Variants in SGCD observed in about 807,000 individuals in gnomAD.
The protein encoded by SGCD is sarcoglycan delta, also known as delta-sarcoglycan.
A neutral mutation model predicts 36.6 loss-of-function variants in SGCD; 18 were observed. The ratio of observed to expected loss-of-function variants is 0.49; its 90% CI spans 0.34 to 0.73. The LOEUF is 0.73. Ranked by LOEUF, SGCD falls within the 30% of genes least tolerant of loss-of-function variation. The pLI, the probability that SGCD is intolerant of heterozygous loss-of-function variation, is 0.01. For missense variants in SGCD, 387 were observed against 346.7 expected, an observed-to-expected ratio of 1.12 and a Z score of -0.92; for synonymous variants, 133 against 130.6, an observed-to-expected ratio of 1.02 and a Z score of -0.12.
chr5:155,996,837 A>T (rs1758556124), intron 1 of SGCD, among the ~76,000 whole-genome samples: 2 of 151,440 alleles, frequency 1.3e-5, no homozygotes, highest in Admixed American at 6.6e-5. Context: ...AGGCTGCCAA[A>T]TGGTAAATCT....
At chr5:156,357,141 G>A (rs554964183) in intron 3 of SGCD, among the ~76,000 whole-genome samples, 2 of 152,184 alleles carry the variant, frequency 1.3e-5, no homozygotes, top group Non-Finnish European at 1.5e-5. Flanking sequence ...CACCATCAAT[G>A]CTATTAAGCG....
At chr5:155,928,067 T>C (rs574681853) in intron 1 of SGCD, among the ~76,000 whole-genome samples, 1 of 152,310 alleles carries the variant, frequency 6.6e-6, no homozygotes, top group South Asian at 2.1e-4. Context: ...AAAATAGGCA[T>C]TAGAAGATAA....
intron 3 of SGCD, among the ~76,000 whole-genome samples, chr5:156,503,323 G>T (rs1756537147): frequency 6.6e-6 from 1 of 152,170 alleles, no homozygotes; most frequent in African/African-American, 2.4e-5. Context: ...AATAGCAGAA[G>T]ATTCCTTCTG....
At chr5:156,328,082 T>C (rs1457024951) in intron 1 of SGCD, among the ~76,000 whole-genome samples, 1 of 152,230 alleles carries the variant, frequency 6.6e-6, no homozygotes, top group Non-Finnish European at 1.5e-5. Context: ...GAGCTTTTTA[T>C]AAAAATCAAA....
At chr5:155,809,928 A>C in the SGCD span, among the ~76,000 whole-genome samples, 1 of 152,198 alleles carries the variant, frequency 6.6e-6, no homozygotes, top group Non-Finnish European at 1.5e-5. Flanking sequence ...CAGTGGCCTC[A>C]GTTGTCTCTT....
intron 7 of SGCD, among the ~76,000 whole-genome samples, chr5:156,653,843 A>G (rs1763570182): frequency 6.6e-6 from 1 of 152,078 alleles, no homozygotes; most frequent in Non-Finnish European, 1.5e-5. Flanking sequence ...TCACACTGCT[A>G]TGTCTTCTAG....
chr5:156,069,739 A>T lies in SGCD; in HGVS notation c.-281-48139A>T, dbSNP rs548044022. On this transcript the variant is annotated intron_variant, in intron 1 of 9. Coordinates refer to the SGCD transcript ENST00000517913. ...CAGTATGGCCATTTTCACGATATTG[A>T]TTCTTCCTACCCATAAGCATGGAAT... 2.7e-5 allele frequency among the ~76,000 whole-genome samples: 4 copies of T among 146,758 alleles called. No homozygotes were observed. In the South Asian group the frequency reaches 8.4e-4, roughly 31 times the overall value.
At chr5:156,030,952 A>G (rs10476249) in intron 1 of SGCD, among the ~76,000 whole-genome samples, 26 of 152,346 alleles carry the variant, frequency 1.7e-4, no homozygotes, top group African/African-American at 5.3e-4. Flanking sequence ...GTAGTGGAAA[A>G]TGAGCCTGAA....
Position 156,558,111 on chromosome 5 carries a change from ATATATATATATATT to A in SGCD, c.295-31119_295-31106del, listed in dbSNP as rs1481911636. On this transcript the variant is annotated intron_variant, in intron 4 of 8. Transcript: ENST00000337851. ...CAAATATATATATATATATATATAT[ATATATATATATATT>A]ATTTAACTCTCTTTTAAAGGCAGTT... 1.5e-3 allele frequency among the ~76,000 whole-genome samples: 203 copies of A among 136,324 alleles called. 6 individuals are homozygous for A. The highest frequency in any genetic ancestry group is 2.5e-3 in the Non-Finnish European group (161 of 63,402). 89.4% of individuals were successfully genotyped at this position (136,324 alleles called of 152,430 possible). A position where few individuals can be genotyped will look rare whatever the true frequency, so the allele number is the denominator to read the frequency against.
At chr5:156,488,994 G>C (rs892170318) in intron 3 of SGCD, among the ~76,000 whole-genome samples, 1 of 151,958 alleles carries the variant, frequency 6.6e-6, no homozygotes, top group Admixed American at 6.6e-5. Context: ...ACTTCACCTG[G>C]ATAGACACAT....
intron 3 of SGCD, among the ~76,000 whole-genome samples, chr5:156,303,597 G>A (rs757110855): frequency 2.3e-4 from 35 of 151,568 alleles, no homozygotes; most frequent in Non-Finnish European, 5.0e-4. Context: ...CCTGAAGCCA[G>A]CATAGCCCTA....
chr5:156,263,124 A>G (rs1302961489), intron 3 of SGCD, among the ~76,000 whole-genome samples: 4 of 151,948 alleles, frequency 2.6e-5, no homozygotes, highest in Non-Finnish European at 5.9e-5. Flanking sequence ...GTAGATACCC[A>G]GTTGTAGGAT....
intron 3 of SGCD, among the ~76,000 whole-genome samples, chr5:156,280,921 G>A (rs1489347618): frequency 6.6e-6 from 1 of 152,148 alleles, no homozygotes; most frequent in South Asian, 2.1e-4. Context: ...CAAACCCATA[G>A]AGCAAGGTTG....
At chr5:156,079,070 T>C (rs1325393350) in intron 1 of SGCD, among the ~76,000 whole-genome samples, 1 of 147,738 alleles carries the variant, frequency 6.8e-6, no homozygotes, top group Non-Finnish European at 1.5e-5. Flanking sequence ...TTCTGCAGGC[T>C]ATATAGGTAG....
At chr5:155,998,775 A>T (rs1758605958) in intron 1 of SGCD, among the ~76,000 whole-genome samples, 1 of 152,206 alleles carries the variant, frequency 6.6e-6, no homozygotes, top group Non-Finnish European at 1.5e-5. Flanking sequence ...TAGTGGAAAC[A>T]CCTGCTCACA....
intron 3 of SGCD, among the ~76,000 whole-genome samples, chr5:156,425,383 A>G (rs949174558): frequency 6.6e-6 from 1 of 152,070 alleles, no homozygotes; most frequent in Non-Finnish European, 1.5e-5. Context: ...ATTAGCAATT[A>G]AACACACAAA....
intron 1 of SGCD, among the ~76,000 whole-genome samples, chr5:155,992,142 CT>C (rs1470402034): frequency 6.6e-6 from 1 of 152,186 alleles, no homozygotes; most frequent in Admixed American, 6.5e-5. Flanking sequence ...TTGGATACTA[CT>C]TCCAAATTAA....
rs73812916 is a variant in SGCD at position 156,033,936 on chromosome 5, C to A, written c.-281-83942C>A. ...GCCAGCCAAATCAAACTGTTCAATG[C>A]AAGACACAATCTTTTCCTCACCAAC... is the stretch of plus-strand genomic sequence containing the variant. On this transcript the variant is annotated intron_variant, in intron 1 of 9. Transcript: ENST00000517913. Among the ~76,000 whole-genome samples, 1,286 of 152,236 alleles carry A rather than the reference C, an allele frequency of 8.4e-3. 17 individuals are homozygous for A. The highest frequency in any genetic ancestry group is 0.029 in the African/African-American group (1,226 of 41,560).
intron 7 of SGCD, among the ~76,000 whole-genome samples, chr5:156,753,263 A>T (rs1414645872): frequency 6.6e-6 from 1 of 151,140 alleles, no homozygotes; most frequent in Non-Finnish European, 1.5e-5. Flanking sequence ...CTTCCTGGCC[A>T]CTCCTCCTTT....
Sources: allele counts gnomAD v4.1 joint callset (sites outside exome capture counted in the v4.1 genomes callset), GRCh38; gene constraint gnomAD v4.1.1; transcripts MANE v1.5; gene names NCBI Gene and HGNC (gene_info 2026-07-23, HGNC 2026-07-21).